KMT5A: variants seen among roughly 807,000 people sequenced by gnomAD.
The protein encoded by KMT5A is N-lysine methyltransferase KMT5A.
In KMT5A, 6 loss-of-function variants were observed where a neutral mutation model predicts 40.6. The observed-to-expected ratio is 0.15, with a 90% CI of 0.08 to 0.29. The LOEUF (loss-of-function observed/expected upper bound fraction) is 0.29, where lower values mean the gene tolerates loss of function less well. Ranked by LOEUF, KMT5A falls within the 10% of genes least tolerant of loss-of-function variation. KMT5A has a pLI of 1.00. For synonymous variants in KMT5A, 153 were observed against 178.8 expected, an observed-to-expected ratio of 0.86 and a Z score of 1.15; for missense variants, 308 against 459.1, an observed-to-expected ratio of 0.67 and a Z score of 3.01.
intron 5 of KMT5A, among the ~76,000 whole-genome samples, chr12:123,401,102 G>C (rs1334692479): frequency 1.6e-5 from 2 of 126,762 alleles, no homozygotes; most frequent in East Asian, 4.7e-4. Flanking sequence ...ACCAAGTTTT[G>C]TTGTTGTTTT....
chr12:123,396,675 TGTA>T (rs1356796365), intron 5 of KMT5A, among the ~76,000 whole-genome samples: 1 of 152,174 alleles, frequency 6.6e-6, no homozygotes, highest in Non-Finnish European at 1.5e-5. Context: ...CCTTGTGACT[TGTA>T]GCATGTGGCA....
At chr12:123,404,636 CAGATG>C (rs1454864473) in intron 6 of KMT5A, among the ~76,000 whole-genome samples, 1 of 152,194 alleles carries the variant, frequency 6.6e-6, no homozygotes, top group Non-Finnish European at 1.5e-5. Flanking sequence ...AACTGCTTTG[CAGATG>C]AGCACCAAGG....
chr12:123,402,164 G>C (rs1878229001), intron 5 of KMT5A, among the ~76,000 whole-genome samples: 1 of 152,248 alleles, frequency 6.6e-6, no homozygotes, highest in Non-Finnish European at 1.5e-5. Flanking sequence ...TTACAGGAGA[G>C]AGCCACTGCC....
At chr12:123,401,681 A>G (rs1362932594) in intron 5 of KMT5A, among the ~76,000 whole-genome samples, 1 of 151,100 alleles carries the variant, frequency 6.6e-6, no homozygotes, top group Non-Finnish European at 1.5e-5. Flanking sequence ...TCCTGGGTTC[A>G]AGCGATTCTC....
intron 5 of KMT5A, among the ~76,000 whole-genome samples, chr12:123,400,475 C>T (rs1042905873): frequency 3.4e-5 from 5 of 149,224 alleles, no homozygotes; most frequent in African/African-American, 1.2e-4. Context: ...ATTCTCCTGC[C>T]TCAACCTCCC....
chr12:123,390,052 T>A (rs1380832242), intron 2 of KMT5A: 1 of 468,146 alleles, frequency 2.1e-6, no homozygotes, highest in Admixed American at 2.3e-5. Flanking sequence ...CCGAATGCGC[T>A]GGCTGTGGCT....
At position 123,390,970 on chromosome 12, in the gene KMT5A, G is replaced by C. The variant is rs1054653917; in HGVS notation, c.289+184G>C. The C allele has an allele frequency of 1.3e-5, 9 of 674,920 alleles. No individual in the cohort carries two copies. In the East Asian group the frequency reaches 2.0e-4, roughly 15 times the overall value. The allele number at this position is 674,920 out of a possible 1,614,324, so 41.8% of individuals were successfully genotyped here. A position where few individuals can be genotyped will look rare whatever the true frequency, so the allele number is the denominator to read the frequency against. ...CCCAGGGTGTGTGCCCTGTTGGTTT[G>C]ACAGGTTTTCCCTGCTTTCACAAGA... On this transcript the variant is annotated intron_variant, in intron 3 of 7. Coordinates refer to ENST00000402868, the MANE Select transcript of KMT5A (RefSeq NM_020382.7).
chr12:123,389,648 G>T (rs1268961659), intron 2 of KMT5A, 94 bp downstream of exon 2: 2 of 927,662 alleles, frequency 2.2e-6, no homozygotes, highest in Non-Finnish European at 2.6e-6. Context: ...CGGGGCGCCC[G>T]GCCGGGCCGC....
At chr12:123,405,517 CTTTTTTTTTTTTTT>C (rs35093204) in intron 7 of KMT5A, among the ~76,000 whole-genome samples, 7 of 78,026 alleles carry the variant, frequency 9.0e-5, no homozygotes, top group East Asian at 3.3e-4. Context: ...CGCCTGCTTC[CTTTTTTTTTTTTTT>C]TTTTTTTTTT....
rs548490965 is a variant in KMT5A at position 123,384,705 on chromosome 12, C to A, written c.10+497C>A. 6.6e-6 allele frequency among the ~76,000 whole-genome samples: 1 copy of A among 152,368 alleles called. No homozygotes were observed. The highest frequency in any genetic ancestry group is 2.1e-4 in the South Asian group (1 of 4,830). ...AGCAGGCGCCTTTCCTCCCTCCCCA[C>A]GTCCTGAGTCAGCTCTGCGCCGCTG... On this transcript the variant is annotated intron_variant, in intron 1 of 7. Transcript: ENST00000402868. The surrounding 1 kb of genome is among the most constrained non-coding windows in gnomAD (Gnocchi z 5.7).
chr12:123,396,218 C>T, intron 4 of KMT5A, 127 bp from the exon 5 acceptor site: 2 of 820,760 alleles, frequency 2.4e-6, no homozygotes, highest in Non-Finnish European at 3.9e-6. Context: ...CTCCAGTGGA[C>T]AAAGGTGTTT....
At chr12:123,393,513 C>T (rs1001293425) in intron 3 of KMT5A, among the ~76,000 whole-genome samples, 17 of 152,016 alleles carry the variant, frequency 1.1e-4, no homozygotes, top group Non-Finnish European at 1.8e-4. Context: ...AAGGTTCATC[C>T]GCGGTGTAAT....
At chr12:123,390,127 C>T (rs781089503) in intron 2 of KMT5A, 6 of 467,686 alleles carry the variant, frequency 1.3e-5, no homozygotes, top group South Asian at 4.6e-5. Flanking sequence ...CTGGAGGCTG[C>T]GGGGCTGCAG....
At chr12:123,394,186 C>G (rs1030084423) in intron 3 of KMT5A, among the ~76,000 whole-genome samples, 1 of 150,032 alleles carries the variant, frequency 6.7e-6, no homozygotes, top group South Asian at 2.1e-4. Flanking sequence ...TCACTGCAAC[C>G]TCCGCCTCCC....
In KMT5A at chr12:123,384,316, C is replaced by A. The variant is rs907897286; in HGVS notation, c.10+108C>A. ...GGGGAGGCGTCCTCCTCGGGTGGCT[C>A]GGGGCAAGCTTGGGGACCCGCGTGG... On this transcript the variant is annotated intron_variant, in intron 1 of 7. Coordinates refer to ENST00000402868, the MANE Select transcript of KMT5A (RefSeq NM_020382.7). The surrounding 1 kb of genome is among the most constrained non-coding windows in gnomAD (Gnocchi z 5.7). 2.6e-5 allele frequency: 38 copies of A among 1,489,746 alleles called. No individual in the cohort carries two copies. Among genetic ancestry groups the A allele is most frequent in the Non-Finnish European group, 3.3e-5 (36 of 1,099,500 alleles). The allele number at this position is 1,489,746 out of a possible 1,614,324, so 92.3% of individuals were successfully genotyped here. A position where few individuals can be genotyped will look rare whatever the true frequency, so the allele number is the denominator to read the frequency against.
intron 5 of KMT5A, among the ~76,000 whole-genome samples, chr12:123,401,607 A>C (rs1437217482): frequency 6.6e-6 from 1 of 151,210 alleles, no homozygotes; most frequent in African/African-American, 2.4e-5. Context: ...TTTGAGATGG[A>C]GTCTTGCTCT....
At chr12:123,400,685 G>T (rs1211604478) in intron 5 of KMT5A, among the ~76,000 whole-genome samples, 1 of 152,084 alleles carries the variant, frequency 6.6e-6, no homozygotes, top group Admixed American at 6.6e-5. Context: ...TAGAAAAGTT[G>T]CAAAGATAAT....
intron 6 of KMT5A, 73 bp from the exon 7 acceptor site, chr12:123,404,811 T>C: frequency 6.8e-7 from 1 of 1,466,288 alleles, no homozygotes; most frequent in East Asian, 2.3e-5. Context: ...AAGCCCCAGC[T>C]CCCCGGAGAC....
chr12:123,389,663 T>A, intron 2 of KMT5A, 109 bp downstream of exon 2: 1 of 814,202 alleles, frequency 1.2e-6, no homozygotes, highest in East Asian at 1.1e-4. Flanking sequence ...GGCCGCTTCC[T>A]TTGCTGCCGC....
Sources: allele counts gnomAD v4.1 joint callset (sites outside exome capture counted in the v4.1 genomes callset), GRCh38; gene constraint gnomAD v4.1.1; non-coding constraint Gnocchi (gnomAD v3.1); transcripts MANE v1.5; gene names NCBI Gene and HGNC (gene_info 2026-07-23, HGNC 2026-07-21).